The following FOCAD variants were observed in gnomAD, a reference collection of about 807,000 sequenced individuals.
FOCAD encodes focadhesin, also known as KIAA1797.
In FOCAD, 198 loss-of-function variants were observed where a neutral mutation model predicts 225.6. The ratio of observed to expected loss-of-function variants is 0.88; its 90% confidence interval spans 0.78 to 0.99. The LOEUF is 0.99. Ranked by LOEUF, FOCAD falls within the 50% of genes least tolerant of loss-of-function variation. FOCAD has a pLI of 0.00. For synonymous variants in FOCAD, 897 were observed against 755.0 expected, an observed-to-expected ratio of 1.19 and a Z score of -3.08; for missense variants, 2,713 against 2,123.6, an observed-to-expected ratio of 1.28 and a Z score of -5.46.
At chr9:20,903,566 C>CTAG (rs1832721382) in intron 21 of FOCAD, among the ~76,000 whole-genome samples, 1 of 151,814 alleles carries the variant, frequency 6.6e-6, no homozygotes, top group Admixed American at 6.6e-5. Flanking sequence ...GAACAGTGCC[C>CTAG]TAGAAGGCCC....
chr9:20,981,356 T>G, intron 37 of FOCAD, 70 bp from the exon 38 acceptor site: 1 of 1,514,456 alleles, frequency 6.6e-7, no homozygotes, highest in Non-Finnish European at 9.0e-7. Flanking sequence ...ACAGTGATGA[T>G]GTACAGGTTT....
At chr9:20,782,049 G>A (rs1003402408) in intron 10 of FOCAD, 120 bp downstream of exon 10, 11 of 804,850 alleles carry the variant, frequency 1.4e-5, no homozygotes, top group Admixed American at 2.1e-5. Context: ...ATTCAGTCAG[G>A]TAGTGCTGTT....
chr9:20,709,846 CT>C (rs1179308811), intron 1 of FOCAD, among the ~76,000 whole-genome samples: 12 of 152,144 alleles, frequency 7.9e-5, no homozygotes, highest in African/African-American at 2.4e-4. Flanking sequence ...TTAGGGCTGT[CT>C]TTTGTAATCT....
intron 6 of FOCAD, among the ~76,000 whole-genome samples, chr9:20,761,990 G>C (rs750101308): frequency 6.6e-6 from 1 of 152,086 alleles, no homozygotes; most frequent in Non-Finnish European, 1.5e-5. Context: ...AAGCCAAGGG[G>C]ATTTTTAAAT....
intron 11 of FOCAD, among the ~76,000 whole-genome samples, chr9:20,812,942 A>G (rs954597036): frequency 6.6e-6 from 1 of 152,110 alleles, no homozygotes; most frequent in East Asian, 1.9e-4. Flanking sequence ...AAGTATATGA[A>G]TATTTTTGTA....
intron 1 of FOCAD, among the ~76,000 whole-genome samples, chr9:20,709,289 G>A (rs543096249): frequency 6.6e-6 from 1 of 152,120 alleles, no homozygotes; most frequent in Admixed American, 6.5e-5. Flanking sequence ...CATATTGAAA[G>A]GTTGGAGATA....
intron 21 of FOCAD, among the ~76,000 whole-genome samples, chr9:20,889,371 A>T (rs1304100934): frequency 1.3e-5 from 2 of 152,184 alleles, no homozygotes; most frequent in Non-Finnish European, 2.9e-5. Flanking sequence ...TAATTTATCC[A>T]TCTTTCAGCT....
At chr9:20,920,719 A>ACC (rs1834334521) in intron 24 of FOCAD, among the ~76,000 whole-genome samples, 1 of 152,006 alleles carries the variant, frequency 6.6e-6, no homozygotes, top group Admixed American at 6.6e-5. Context: ...AAGGTCAAAA[A>ACC]ACTGAACACC....
intron 1 of FOCAD, among the ~76,000 whole-genome samples, chr9:20,714,630 GCCTGCCTTCCTTCCTT>G (rs1825161231): frequency 2.5e-5 from 3 of 120,842 alleles, no homozygotes; most frequent in Admixed American, 8.4e-5. Flanking sequence ...CTGCCTGCCT[GCCTGCCTTCCTTCCTT>G]CCTTCCTTCC....
In FOCAD at chr9:20,691,235, G is replaced by C. The variant is rs1822957357; in HGVS notation, c.-33+6942G>C. ...TGGGATTACAGGTGTGAGCCATAGT[G>C]CTGGCCCAATCTCTGCTTCTTAAAG... On this transcript the variant is annotated intron_variant, in intron 1 of 43. Transcript: ENST00000338382. 2.0e-5 allele frequency among the ~76,000 whole-genome samples: 3 copies of C among 152,018 alleles called. No homozygotes were observed. The South Asian group carries it at 6.2e-4, about 32-fold the overall frequency.
intron 19 of FOCAD, 152 bp downstream of exon 19, chr9:20,874,959 C>T: frequency 2.1e-6 from 2 of 961,570 alleles, no homozygotes; most frequent in Non-Finnish European, 3.2e-6. Context: ...TCTATTGAAA[C>T]AGCTTGAGGT....
chr9:20,853,742 T>C (rs1420606557), intron 15 of FOCAD, among the ~76,000 whole-genome samples: 4 of 151,840 alleles, frequency 2.6e-5, no homozygotes, highest in Non-Finnish European at 5.9e-5. Flanking sequence ...TTGTTTCTTT[T>C]TTCCCTACAA....
intron 15 of FOCAD, among the ~76,000 whole-genome samples, chr9:20,858,218 T>C (rs1228616617): frequency 6.6e-6 from 1 of 150,588 alleles, no homozygotes; most frequent in Non-Finnish European, 1.5e-5. Context: ...AGCCATCAGA[T>C]TATTGGCTTT....
chr9:20,862,263 T>C (rs890274364), intron 15 of FOCAD, among the ~76,000 whole-genome samples: 1 of 152,012 alleles, frequency 6.6e-6, no homozygotes, highest in African/African-American at 2.4e-5. Flanking sequence ...ACAATGCATA[T>C]AGCTAGATAA....
At chr9:20,778,995 C>T (rs747291134) in intron 9 of FOCAD, among the ~76,000 whole-genome samples, 17 of 152,110 alleles carry the variant, frequency 1.1e-4, no homozygotes, top group Non-Finnish European at 2.1e-4. Flanking sequence ...AGGTTATAAT[C>T]TAACCTTATA....
At chr9:20,729,486 A>G (rs1003398241) in intron 4 of FOCAD, among the ~76,000 whole-genome samples, 2 of 152,202 alleles carry the variant, frequency 1.3e-5, no homozygotes, top group African/African-American at 4.8e-5. Flanking sequence ...ATATCTACAA[A>G]GACCCTATTT....
chr9:20,731,570 A>G (rs1826704959), intron 4 of FOCAD, among the ~76,000 whole-genome samples: 1 of 152,212 alleles, frequency 6.6e-6, no homozygotes, highest in Non-Finnish European at 1.5e-5. Flanking sequence ...GCCAAGCAAG[A>G]TAGTACCTGA....
At chr9:20,759,354 C>CA (rs1044303014) in intron 6 of FOCAD, among the ~76,000 whole-genome samples, 1 of 152,038 alleles carries the variant, frequency 6.6e-6, no homozygotes, top group African/African-American at 2.4e-5. Flanking sequence ...GTACTGGTAC[C>CA]AAAACAGAGA....
At chr9:20,676,740 A>G (rs562048766) in intron 2 of FOCAD, among the ~76,000 whole-genome samples, 2 of 152,348 alleles carry the variant, frequency 1.3e-5, no homozygotes, top group South Asian at 4.1e-4. Flanking sequence ...TCCATTTATT[A>G]AAGAAGACAC....
Sources: allele counts gnomAD v4.1 joint callset (sites outside exome capture counted in the v4.1 genomes callset), GRCh38; gene constraint gnomAD v4.1.1; transcripts MANE v1.5; gene names NCBI Gene and HGNC (gene_info 2026-07-23, HGNC 2026-07-21).